The following MAP6 variants were observed in gnomAD, a reference collection of about 807,000 sequenced individuals.
The protein encoded by MAP6 is microtubule-associated protein 6.
MAP6 carries 26 observed loss-of-function variants against 42.4 expected under a neutral mutation model. The ratio of observed to expected loss-of-function variants is 0.61; its 90% CI spans 0.45 to 0.85. The LOEUF (loss-of-function observed/expected upper bound fraction) is 0.85, where lower values mean the gene tolerates loss of function less well. MAP6 is among the 40% of genes least tolerant of loss of function. The pLI, the probability that MAP6 is intolerant of heterozygous loss-of-function variation, is 0.00. For missense variants in MAP6, 966 were observed against 1,099.0 expected, an observed-to-expected ratio of 0.88 and a Z score of 1.71; for synonymous variants, 418 against 443.8, an observed-to-expected ratio of 0.94 and a Z score of 0.73.
intron 1 of MAP6, among the ~76,000 whole-genome samples, chr11:75,664,081 A>G (rs10160495): frequency 0.073 from 11,086 of 152,214 alleles, 587 homozygotes; most frequent in East Asian, 0.14. Context: ...TGACTCATCT[A>G]TTTTCTAATT....
intron 3 of MAP6, among the ~76,000 whole-genome samples, chr11:75,600,148 G>T (rs1162298824): frequency 1.3e-5 from 2 of 152,144 alleles, no homozygotes; most frequent in East Asian, 3.9e-4. Context: ...AAAGGGAGGG[G>T]AAGGGCGTGA....
chr11:75,587,008 G>C lies in MAP6; in HGVS notation c.*51C>G, dbSNP rs748846322. 1 of 1,497,568 alleles carries C rather than the reference G, an allele frequency of 6.7e-7. No individual in the cohort carries two copies. Among genetic ancestry groups the C allele is most frequent in the South Asian group, 1.3e-5 (1 of 74,152 alleles). 92.8% of individuals were successfully genotyped at this position (1,497,568 alleles called of 1,614,324 possible). The stretch of plus-strand genomic sequence containing the variant: ...ATATGTGTCTTCACTGCCCCTGGGA[G>C]GGGAGCACTCTCACTGTCAGCTCCT... On this transcript the variant is annotated 3_prime_UTR_variant, in exon 4 of 4. Coordinates refer to ENST00000304771, the MANE Select transcript of MAP6 (RefSeq NM_033063.2).
chr11:75,667,729 T>C lies in MAP6; in HGVS notation c.641A>G (p.Glu214Gly), dbSNP rs1434094631. ...WPVQAAAEAR[E>G]QEAAPGGAGG... The stretch of plus-strand genomic sequence containing the variant: ...CGCTCCGCCGGGGGCCGCCTCCTGC[T>C]CCCGGGCCTCAGCGGCGGCCTGCAC... Residue 214 changes from glutamate to glycine, a missense_variant, in exon 1 of 4, where the codon GAG (glutamate) becomes GGG (glycine). Physicochemically the swap from Glu to Gly is moderately conservative, Grantham distance 98. Coordinates refer to ENST00000304771, the MANE Select transcript of MAP6 (RefSeq NM_033063.2). This position sits in a 1 kb window ranked among gnomAD's most constrained non-coding sequence, Gnocchi z 5.6. The C allele has an allele frequency of 7.7e-6, 10 of 1,299,190 alleles. No homozygotes were observed. In the African/African-American group the frequency reaches 1.4e-4, roughly 18 times the overall value. 80.5% of individuals were successfully genotyped at this position (1,299,190 alleles called of 1,614,324 possible).
intron 3 of MAP6, chr11:75,605,191 T>C (rs1190432180): frequency 3.0e-6 from 3 of 985,518 alleles, no homozygotes; most frequent in East Asian, 1.1e-4. Context: ...AGCCCACTGA[T>C]AGGAAGCTAA....
chr11:75,647,699 A>G (rs1385016964), intron 1 of MAP6, among the ~76,000 whole-genome samples: 3 of 152,224 alleles, frequency 2.0e-5, no homozygotes, highest in African/African-American at 7.2e-5. Flanking sequence ...GTTTATGCAT[A>G]GAAAGACGCA....
At chr11:75,656,626 G>A (rs928571599) in intron 1 of MAP6, among the ~76,000 whole-genome samples, 10 of 152,052 alleles carry the variant, frequency 6.6e-5, no homozygotes, top group African/African-American at 1.7e-4. Context: ...CTTGCTGGGC[G>A]TTGACCTCAG....
chr11:75,589,028 C>A (rs190153693), intron 3 of MAP6, among the ~76,000 whole-genome samples: 252 of 152,238 alleles, frequency 1.7e-3, no homozygotes, highest in African/African-American at 5.8e-3. Flanking sequence ...GCACCACTCC[C>A]ACTACCCCCA....
intron 1 of MAP6, among the ~76,000 whole-genome samples, chr11:75,616,966 A>G (rs1943005481): frequency 6.6e-6 from 1 of 152,256 alleles, no homozygotes. Context: ...GTGAGTAGAT[A>G]ATTAATAGAA....
intron 3 of MAP6, chr11:75,603,917 G>A: frequency 1.0e-6 from 1 of 985,526 alleles, no homozygotes; most frequent in Non-Finnish European, 1.2e-6. Flanking sequence ...TTGAGAGACT[G>A]AACATACATT....
At chr11:75,605,524 C>T in intron 3 of MAP6, 1 of 1,217,010 alleles carries the variant, frequency 8.2e-7, no homozygotes, top group Non-Finnish European at 1.0e-6. Context: ...GCCTGCCTTG[C>T]TCATCAGCAT....
intron 1 of MAP6, among the ~76,000 whole-genome samples, chr11:75,659,362 G>A (rs913017890): frequency 2.6e-5 from 4 of 152,102 alleles, no homozygotes; most frequent in African/African-American, 4.8e-5. Context: ...CGTGCCTGTA[G>A]TCCCAGCTAC....
At chr11:75,663,953 C>G (rs1943900083) in intron 1 of MAP6, among the ~76,000 whole-genome samples, 1 of 152,208 alleles carries the variant, frequency 6.6e-6, no homozygotes, top group Middle Eastern at 3.2e-3. Flanking sequence ...CTGGTTTCTT[C>G]TAGGAAAAGT....
rs1253857027 is a variant in MAP6 at position 75,668,238 on chromosome 11, C to T, written c.132G>A (p.Pro44=). The change falls in exon 1 of 4, where the codon CCG becomes CCA. Residue 44 remains proline (P), a synonymous_variant. Transcript: ENST00000304771. ...CCTGCTGCTGCGGCGGCGGTGGCTG[C>T]GGCGGGGCGCCCGGGTGCTCGGTGG... ...SEATEHPGAP[P]QPPPPQQQAQ... is the part of the protein sequence containing the mutation. 2.0e-5 allele frequency: 28 copies of T among 1,418,746 alleles called. No individual in the cohort carries two copies. Among genetic ancestry groups the T allele is most frequent in the Middle Eastern group, 2.0e-4 (1 of 5,002 alleles). 87.9% of individuals were successfully genotyped at this position (1,418,746 alleles called of 1,614,324 possible).
At chr11:75,591,523 C>G (rs115726373) in intron 3 of MAP6, among the ~76,000 whole-genome samples, 2,327 of 152,284 alleles carry the variant, frequency 0.015, 54 homozygotes, top group African/African-American at 0.054. Flanking sequence ...AAAGCCACCC[C>G]CTCAGGGTGG....
chr11:75,601,795 C>T (rs767484180), intron 3 of MAP6, among the ~76,000 whole-genome samples: 2 of 151,392 alleles, frequency 1.3e-5, no homozygotes, highest in South Asian at 2.1e-4. Flanking sequence ...GCTACCCCCC[C>T]AGAACTGAAG....
intron 3 of MAP6, chr11:75,602,807 T>C (rs1942688381): frequency 1.0e-6 from 1 of 984,170 alleles, no homozygotes; most frequent in African/African-American, 1.7e-5. Context: ...TGCAAAAGGT[T>C]CATTCCTTCA....
At chr11:75,647,199 G>A (rs1943567472) in intron 1 of MAP6, among the ~76,000 whole-genome samples, 1 of 151,568 alleles carries the variant, frequency 6.6e-6, no homozygotes, top group Non-Finnish European at 1.5e-5. Flanking sequence ...GGCCAGGCTG[G>A]ACTCAAACTC....
At chr11:75,635,144 G>A (rs894061855) in intron 1 of MAP6, among the ~76,000 whole-genome samples, 3 of 152,172 alleles carry the variant, frequency 2.0e-5, no homozygotes, top group Admixed American at 6.5e-5. Context: ...GCAGCCTCTG[G>A]GTTCCCCTGG....
intron 3 of MAP6, chr11:75,605,522 T>C: frequency 8.2e-7 from 1 of 1,213,794 alleles, no homozygotes; most frequent in Non-Finnish European, 1.0e-6. Flanking sequence ...CTGCCTGCCT[T>C]GCTCATCAGC....
Sources: gnomAD v4.1 joint callset for allele counts (sites outside exome capture counted in the v4.1 genomes callset) on GRCh38, gnomAD v4.1.1 for gene constraint, Gnocchi (gnomAD v3.1) non-coding constraint, MANE v1.5 for transcripts, NCBI Gene and HGNC (gene_info 2026-07-23, HGNC 2026-07-21) for gene names.